Variants in REEP1 observed in about 807,000 individuals in gnomAD.
REEP1 encodes the protein receptor expression-enhancing protein 1.
REEP1 carries 22 observed loss-of-function variants against 40.3 expected under a neutral mutation model. The ratio of observed to expected loss-of-function variants is 0.55; its 90% CI spans 0.39 to 0.78. The LOEUF (loss-of-function observed/expected upper bound fraction) is 0.78, where lower values mean the gene tolerates loss of function less well. REEP1 is among the 30% of genes least tolerant of loss of function. The pLI is 0.00. For synonymous variants in REEP1, 116 were observed against 139.2 expected (o/e 0.83, Z 1.17); for missense variants, 280 against 361.1 (o/e 0.78, Z 1.82).
At chr2:86,267,870 C>T (rs1677228923) in intron 2 of REEP1, among the ~76,000 whole-genome samples, 2 of 151,106 alleles carry the variant, frequency 1.3e-5, no homozygotes, top group Non-Finnish European at 2.9e-5. Flanking sequence ...GGTACATAAC[C>T]CAGTTAAAAA....
At chr2:86,300,251 G>A (rs1435571555) in intron 1 of REEP1, among the ~76,000 whole-genome samples, 2 of 152,074 alleles carry the variant, frequency 1.3e-5, no homozygotes, top group Non-Finnish European at 2.9e-5. Context: ...TAGCCAAATC[G>A]GTCCACTCTC....
rs570189519 is a variant in REEP1, at chr2:86,256,460, G to A, written c.183-1646C>T. Reference sequence around the variant, plus strand: ...CCTCTGATGGACTCTCACATTCCAGGCCACCATCCACCTGCCCCAATCATC... The same window carrying A: ...CCTCTGATGGACTCTCACATTCCAGACCACCATCCACCTGCCCCAATCATC... On this transcript the variant is annotated intron_variant, in intron 3 of 8. Transcript: ENST00000538924. 5.3e-4 allele frequency among the ~76,000 whole-genome samples: 80 copies of A among 151,964 alleles called. 1 individual carries two copies. Among genetic ancestry groups the A allele is most frequent in the Non-Finnish European group, 8.8e-4 (60 of 67,976 alleles).
intron 4 of REEP1, among the ~76,000 whole-genome samples, chr2:86,253,921 G>A (rs1676413465): frequency 6.6e-6 from 1 of 152,190 alleles, no homozygotes; most frequent in Admixed American, 6.5e-5. Flanking sequence ...TGTTGGAATC[G>A]TTTGACTTAA....
intron 5 of REEP1, among the ~76,000 whole-genome samples, chr2:86,238,108 G>T (rs1294199213): frequency 1.3e-5 from 2 of 152,190 alleles, no homozygotes; most frequent in African/African-American, 4.8e-5. Context: ...TTGAACCCGG[G>T]AGGCAGAGGT....
At chr2:86,271,616 T>G (rs1388836054) in intron 2 of REEP1, among the ~76,000 whole-genome samples, 1 of 152,242 alleles carries the variant, frequency 6.6e-6, no homozygotes, top group African/African-American at 2.4e-5. Context: ...TGTTTCTCAA[T>G]GGATTACTTA....
rs1674120006 is a variant in REEP1 at position 86,216,487 on chromosome 2, G to A, written c.*552C>T. On this transcript the variant is annotated 3_prime_UTR_variant, in exon 9 of 9. Coordinates refer to ENST00000538924, the MANE Select transcript of REEP1 (RefSeq NM_001371279.1). ...ATAAGCACATCTGAGACGTTCTCTA[G>A]AATCAAAATATTTGTCTATATTTGT... 2 of 153,154 alleles carry A rather than the reference G, an allele frequency of 1.3e-5. No homozygotes were observed. The highest frequency in any genetic ancestry group is 1.3e-4 in the Admixed American group (2 of 15,428). 9.5% of individuals were successfully genotyped at this position (153,154 alleles called of 1,614,324 possible). A position where few individuals can be genotyped will look rare whatever the true frequency, so the allele number is the denominator to read the frequency against.
intron 2 of REEP1, among the ~76,000 whole-genome samples, chr2:86,269,949 A>G (rs1044742720): frequency 2.6e-5 from 4 of 152,182 alleles, no homozygotes; most frequent in Non-Finnish European, 5.9e-5. Flanking sequence ...CAGGACTTGT[A>G]TTCAACATAT....
At chr2:86,289,976 A>T (rs1198086564) in intron 1 of REEP1, among the ~76,000 whole-genome samples, 1 of 151,686 alleles carries the variant, frequency 6.6e-6, no homozygotes, top group East Asian at 1.9e-4. Flanking sequence ...TGTGTTAATG[A>T]CTCCATTTAT....
At chr2:86,231,154 CTT>C (rs1262230845) in intron 6 of REEP1, among the ~76,000 whole-genome samples, 7 of 152,308 alleles carry the variant, frequency 4.6e-5, no homozygotes, top group Admixed American at 4.6e-4. Flanking sequence ...ACCTCTGTCT[CTT>C]CACCAGTAAA....
chr2:86,323,121 T>C (rs1192983633), intron 1 of REEP1, among the ~76,000 whole-genome samples: 1 of 151,972 alleles, frequency 6.6e-6, no homozygotes, highest in Admixed American at 6.6e-5. Flanking sequence ...GAGAACCTCT[T>C]GCACCCAGGA....
At chr2:86,304,886 C>T (rs1679412312) in intron 1 of REEP1, among the ~76,000 whole-genome samples, 1 of 152,170 alleles carries the variant, frequency 6.6e-6, no homozygotes, top group Non-Finnish European at 1.5e-5. Flanking sequence ...ACTTAAGCAG[C>T]TATGGGGTGG....
At chr2:86,253,057 G>A (rs778756792) in intron 4 of REEP1, among the ~76,000 whole-genome samples, 27 of 152,152 alleles carry the variant, frequency 1.8e-4, no homozygotes, top group Non-Finnish European at 1.6e-4. Context: ...CAAGGTGGGC[G>A]TATCACCTGA....
intron 6 of REEP1, among the ~76,000 whole-genome samples, chr2:86,231,733 C>T (rs571092179): frequency 8.0e-4 from 122 of 152,198 alleles, no homozygotes; most frequent in Non-Finnish European, 1.1e-3. Context: ...TGGGCAGCTG[C>T]TGTGCTCAGC....
At position 86,337,396 on chromosome 2, in the gene REEP1, C is replaced by T; in HGVS notation, c.32+83G>A. On this transcript the variant is annotated intron_variant, in intron 1 of 8. Transcript: ENST00000538924. The surrounding 1 kb of genome is among the most constrained non-coding windows in gnomAD (Gnocchi z 5.8). ...TATTAATAGCCCGAGCCACTGGGAC[C>T]GGGCGCTGTAGGGGCGCGCGCAGCC... 2 of 946,196 alleles carry T rather than the reference C, an allele frequency of 2.1e-6. No homozygotes were observed. The highest frequency in any genetic ancestry group is 2.7e-6 in the Non-Finnish European group (2 of 739,348). The allele number at this position is 946,196 out of a possible 1,614,324, so 58.6% of individuals were successfully genotyped here.
intron 2 of REEP1, among the ~76,000 whole-genome samples, chr2:86,276,608 A>G (rs1419737257): frequency 6.6e-6 from 1 of 152,230 alleles, no homozygotes; most frequent in Non-Finnish European, 1.5e-5. Flanking sequence ...GGTGGGAGTC[A>G]GCATTTTATG....
Position 86,254,628 on chromosome 2 carries a change from C to G in REEP1, c.303+66G>C, listed in dbSNP as rs569399413. 1.9e-5 allele frequency: 29 copies of G among 1,532,008 alleles called. No homozygotes were observed. The African/African-American group carries it at 3.5e-4, about 19-fold the overall frequency. The allele number at this position is 1,532,008 out of a possible 1,614,324, so 94.9% of individuals were successfully genotyped here. ...AGAAGTCTCCTGCAATAAGATCATC[C>G]CTTTTTATTTATTACTTATTTTCTC... On this transcript the variant is annotated intron_variant, in intron 4 of 8. Transcript: ENST00000538924.
chr2:86,259,478 C>A (rs6713378), intron 3 of REEP1, among the ~76,000 whole-genome samples: 1 of 151,080 alleles, frequency 6.6e-6, no homozygotes, highest in Non-Finnish European at 1.5e-5. Context: ...CTCCGCCTCC[C>A]GGGTTCAAGT....
chr2:86,284,565 G>A (rs1474804712), intron 1 of REEP1, among the ~76,000 whole-genome samples: 7 of 152,196 alleles, frequency 4.6e-5, no homozygotes, highest in African/African-American at 7.2e-5. Context: ...GCAAAGCCTC[G>A]GGCACAACGC....
intron 1 of REEP1, among the ~76,000 whole-genome samples, chr2:86,319,004 C>T (rs1230233492): frequency 1.3e-5 from 2 of 152,046 alleles, no homozygotes; most frequent in East Asian, 1.9e-4. Context: ...GCTTTAGAGG[C>T]CAAAAGCAAA....
Sources: gnomAD v4.1 joint callset for allele counts (sites outside exome capture counted in the v4.1 genomes callset) on GRCh38, gnomAD v4.1.1 for gene constraint, Gnocchi (gnomAD v3.1) non-coding constraint, MANE v1.5 for transcripts, NCBI Gene and HGNC (gene_info 2026-07-23, HGNC 2026-07-21) for gene names.